The following TAF4B variants were observed in gnomAD, a reference collection of about 807,000 sequenced individuals.
TAF4B encodes transcription initiation factor TFIID subunit 4B.
Under a neutral mutation model 86.4 loss-of-function variants are expected in TAF4B, and 38 were observed. The ratio of observed to expected loss-of-function variants is 0.44; its 90% CI spans 0.34 to 0.58. The LOEUF (loss-of-function observed/expected upper bound fraction) is 0.58, where lower values mean the gene tolerates loss of function less well. Ranked by LOEUF, TAF4B falls within the 20% of genes least tolerant of loss-of-function variation. TAF4B has a pLI of 0.02. For synonymous variants in TAF4B, 388 were observed against 391.2 expected (o/e 0.99, Z 0.10); for missense variants, 988 against 1,027.6 (o/e 0.96, Z 0.53).
chr18:26,346,759 GTATATATATATATA>G (rs1189521252), intron 13 of TAF4B, among the ~76,000 whole-genome samples: 9 of 27,134 alleles, frequency 3.3e-4, no homozygotes, highest in African/African-American at 8.3e-4. Context: ...ATATATGTGT[GTATATATATATATA>G]TGTGTGTGTA....
At chr18:26,251,737 C>A (rs1161263388) in intron 1 of TAF4B, among the ~76,000 whole-genome samples, 1 of 152,218 alleles carries the variant, frequency 6.6e-6, no homozygotes, top group Non-Finnish European at 1.5e-5. Context: ...AGAGAAGAGA[C>A]TAACATTCAG....
At chr18:26,241,207 C>T (rs1011600969) in intron 1 of TAF4B, among the ~76,000 whole-genome samples, 1 of 152,194 alleles carries the variant, frequency 6.6e-6, no homozygotes, top group Non-Finnish European at 1.5e-5. Context: ...GTGAATCCAT[C>T]TGGTCCTGGA....
intron 10 of TAF4B, among the ~76,000 whole-genome samples, chr18:26,316,638 G>A (rs1012736731): frequency 2.6e-5 from 4 of 152,074 alleles, no homozygotes; most frequent in East Asian, 3.9e-4. Flanking sequence ...TGATCCACCC[G>A]CCTCCCAAAG....
In TAF4B at chr18:26,335,178, C is replaced by A; in HGVS notation, c.2263C>A (p.Arg755Ser). Residue 755 changes from arginine (R) to serine (S), a missense_variant, in exon 13 of 15, where the codon CGT (arginine) becomes AGT (serine). Physicochemically the swap from Arg to Ser is moderately radical, Grantham distance 110. This residue lies in a region of TAF4B where 216 missense variants were observed against 238.4 expected (regional missense o/e 0.91). Transcript: ENST00000269142. Reference protein sequence around the residue: ...REMLLKAAKSRSNKEDPEQLR... With the variant: ...REMLLKAAKSSSNKEDPEQLR... ...AAATTTTCTTTTCCTTTGATAGAGT[C>A]GTTCTAATAAAGAAGATCCAGAACA... The A allele has an allele frequency of 1.2e-6, 2 of 1,611,036 alleles. No individual in the cohort carries two copies. The highest frequency in any genetic ancestry group is 1.1e-5 in the South Asian group (1 of 90,736).
chr18:26,364,863 C>T (rs10502474), intron 14 of TAF4B, among the ~76,000 whole-genome samples: 6,347 of 152,046 alleles, frequency 0.042, 183 homozygotes, highest in Non-Finnish European at 0.058. Context: ...GTTTACAGCA[C>T]CAGATTAGCT....
At chr18:26,300,294 T>C (rs2056714989) in intron 9 of TAF4B, among the ~76,000 whole-genome samples, 2 of 148,678 alleles carry the variant, frequency 1.3e-5, no homozygotes, top group Non-Finnish European at 3.0e-5. Context: ...TGGCTTGTTT[T>C]CTAATGTAGG....
intron 14 of TAF4B, among the ~76,000 whole-genome samples, chr18:26,388,426 A>G (rs923092479): frequency 5.3e-5 from 8 of 152,334 alleles, no homozygotes; most frequent in South Asian, 2.1e-4. Context: ...TTGTTCTGTG[A>G]ACTCTGCTAA....
chr18:26,258,767 C>T (rs1460828777), intron 1 of TAF4B, among the ~76,000 whole-genome samples: 1 of 152,112 alleles, frequency 6.6e-6, no homozygotes, highest in African/African-American at 2.4e-5. Flanking sequence ...GTGATTATAG[C>T]TCACTGCAAC....
intron 9 of TAF4B, among the ~76,000 whole-genome samples, chr18:26,293,908 C>T (rs1033284430): frequency 2.0e-5 from 3 of 152,082 alleles, no homozygotes; most frequent in Non-Finnish European, 4.4e-5. Flanking sequence ...TTATTATGTA[C>T]CCTTTTGCAT....
intron 13 of TAF4B, among the ~76,000 whole-genome samples, chr18:26,335,739 G>C (rs777578203): frequency 6.6e-6 from 1 of 152,122 alleles, no homozygotes; most frequent in East Asian, 1.9e-4. Context: ...TTAGCTGCAG[G>C]GGTTTTAGTT....
At position 26,293,441 on chromosome 18, in the gene TAF4B, A is replaced by T; in HGVS notation, c.1742A>T (p.Gln581Leu). ...SQFPPASILKQITLPGNKILS... is the reference protein window; with the variant it reads ...SQFPPASILKLITLPGNKILS... ...GTTTTTATAGCTTCCATTCTAAAGC[A>T]AATTACTCTGCCTGGAAATAAAATT... The change falls in exon 9 of 15, where the codon CAA becomes CTA. Residue 581 changes from glutamine (Q) to leucine (L), a missense_variant. Coordinates refer to ENST00000269142, the MANE Select transcript of TAF4B (RefSeq NM_005640.3). 1 of 1,595,742 alleles carries T rather than the reference A, an allele frequency of 6.3e-7. No homozygotes were observed. The highest frequency in any genetic ancestry group is 8.5e-7 in the Non-Finnish European group (1 of 1,175,128).
chr18:26,361,351 C>G (rs565547388), intron 14 of TAF4B, among the ~76,000 whole-genome samples: 7 of 150,586 alleles, frequency 4.6e-5, no homozygotes, highest in Admixed American at 4.6e-4. Context: ...CCTTGAACTC[C>G]TGGCCTCAAG....
Position 26,246,830 on chromosome 18 carries a change from GC to G in TAF4B, c.344-18338del, listed in dbSNP as rs2055933055. On this transcript the variant is annotated intron_variant, in intron 1 of 14. Transcript: ENST00000269142. ...TTACAGGCGTGAGCCACCGCACCTG[GC>G]CTAATCTCATTCTTTTTTTTTTCTT... 2.0e-5 allele frequency among the ~76,000 whole-genome samples: 3 copies of G among 147,360 alleles called. No homozygotes were observed. In the South Asian group the frequency reaches 6.5e-4, roughly 32 times the overall value.
intron 3 of TAF4B, among the ~76,000 whole-genome samples, chr18:26,270,870 CTT>C (rs2056305805): frequency 6.6e-6 from 1 of 152,136 alleles, no homozygotes; most frequent in Non-Finnish European, 1.5e-5. Context: ...ATATCTGTGA[CTT>C]TGTCACAATA....
rs566240165 is a variant in TAF4B, at chr18:26,291,532, C to T, written c.1591-714C>T. ...GACCAGCCTGGCCAACATAGTGAAA[C>T]CTAGTCTCTACTAAAAATACAAAAA... On this transcript the variant is annotated intron_variant, in intron 7 of 14. Transcript: ENST00000269142. Among the ~76,000 whole-genome samples the T allele has an allele frequency of 1.7e-4, 26 of 151,934 alleles. No homozygotes were observed. In the East Asian group the frequency reaches 4.1e-3, roughly 24 times the overall value.
At chr18:26,353,476 A>T (rs1249688974) in intron 13 of TAF4B, among the ~76,000 whole-genome samples, 1 of 152,224 alleles carries the variant, frequency 6.6e-6, no homozygotes, top group Non-Finnish European at 1.5e-5. Flanking sequence ...CATGCCTGTA[A>T]TCCCGGCACT....
intron 10 of TAF4B, among the ~76,000 whole-genome samples, chr18:26,316,409 T>A (rs2056912525): frequency 6.6e-6 from 1 of 151,830 alleles, no homozygotes. Context: ...TTCCTCAAGA[T>A]GGAGGGAGCC....
chr18:26,289,958 C>T (rs1743237078), intron 7 of TAF4B, among the ~76,000 whole-genome samples: 1 of 152,038 alleles, frequency 6.6e-6, no homozygotes, highest in Non-Finnish European at 1.5e-5. Context: ...TAAAATAAAA[C>T]TGTGTTATAT....
intron 1 of TAF4B, among the ~76,000 whole-genome samples, chr18:26,244,165 GC>G (rs2055885749): frequency 6.6e-6 from 1 of 152,202 alleles, no homozygotes; most frequent in Admixed American, 6.5e-5. Flanking sequence ...GTTATGCCCT[GC>G]CCCCAGAGGT....
Sources: allele counts gnomAD v4.1 joint callset (sites outside exome capture counted in the v4.1 genomes callset), GRCh38; gene constraint gnomAD v4.1.1; regional missense constraint gnomAD v4.1.1; transcripts MANE v1.5; gene names NCBI Gene and HGNC (gene_info 2026-07-23, HGNC 2026-07-21).